SPAG16: variants seen among roughly 807,000 people sequenced by gnomAD.
SPAG16 encodes the protein sperm associated antigen 16.
A neutral mutation model predicts 80.4 loss-of-function variants in SPAG16; 86 were observed. The observed-to-expected ratio is 1.07, with a 90% CI of 0.90 to 1.28. SPAG16 has a LOEUF of 1.28. Among genes scored for constraint, SPAG16 ranks in the 50% most tolerant of loss-of-function variants. SPAG16 has a pLI of 0.00. For missense variants in SPAG16, 870 were observed against 765.3 expected (o/e 1.14, Z -1.61); for synonymous variants, 294 against 265.9 (o/e 1.11, Z -1.03).
At chr2:213,498,738 A>C (rs911817667) in intron 10 of SPAG16, among the ~76,000 whole-genome samples, 1 of 152,044 alleles carries the variant, frequency 6.6e-6, no homozygotes, top group East Asian at 1.9e-4. Context: ...CATTTTATTT[A>C]ATGTTATTAT....
At chr2:213,347,698 C>T (rs1398848929) in intron 6 of SPAG16, among the ~76,000 whole-genome samples, 3 of 152,058 alleles carry the variant, frequency 2.0e-5, no homozygotes, top group Non-Finnish European at 4.4e-5. Flanking sequence ...GAGCGGTTTT[C>T]AGTGAGTTTC....
chr2:214,066,458 T>G (rs143787485), intron 13 of SPAG16, among the ~76,000 whole-genome samples: 1 of 152,306 alleles, frequency 6.6e-6, no homozygotes, highest in African/African-American at 2.4e-5. Context: ...AATTAAGCAT[T>G]TCCATAAAAC....
chr2:213,379,322 G>C (rs1168243005), intron 9 of SPAG16, among the ~76,000 whole-genome samples: 1 of 152,122 alleles, frequency 6.6e-6, no homozygotes, highest in African/African-American at 2.4e-5. Flanking sequence ...GGAGAACTTT[G>C]CCTCAGCCTA....
intron 10 of SPAG16, among the ~76,000 whole-genome samples, chr2:213,608,779 G>A (rs1235993319): frequency 1.3e-5 from 2 of 152,196 alleles, no homozygotes; most frequent in Admixed American, 6.5e-5. Context: ...TCCGCCTCCT[G>A]CGTTCACGCC....
chr2:214,304,250 G>T (rs1694762720), intron 15 of SPAG16, among the ~76,000 whole-genome samples: 1 of 152,198 alleles, frequency 6.6e-6, no homozygotes, highest in Non-Finnish European at 1.5e-5. Context: ...GGCCCCAAAA[G>T]TGGCCATAAA....
chr2:214,317,761 A>T (rs112619922), intron 15 of SPAG16, among the ~76,000 whole-genome samples: 1 of 152,182 alleles, frequency 6.6e-6, no homozygotes, highest in African/African-American at 2.4e-5. Flanking sequence ...AAAGTGGCTA[A>T]TGCCTGCCTG....
At chr2:214,196,651 A>C (rs188807704) in intron 15 of SPAG16, among the ~76,000 whole-genome samples, 1 of 152,234 alleles carries the variant, frequency 6.6e-6, no homozygotes, top group East Asian at 1.9e-4. Context: ...AAAGAGTGAA[A>C]CCAGTCTATA....
chr2:214,261,654 A>G (rs1184580897), intron 15 of SPAG16, among the ~76,000 whole-genome samples: 2 of 152,214 alleles, frequency 1.3e-5, no homozygotes, highest in African/African-American at 2.4e-5. Context: ...AAAAGTAACA[A>G]TATGTATTTT....
chr2:214,255,473 T>C (rs1457997651), intron 15 of SPAG16, among the ~76,000 whole-genome samples: 1 of 152,086 alleles, frequency 6.6e-6, no homozygotes, highest in African/African-American at 2.4e-5. Flanking sequence ...TACCCTTACA[T>C]CAATGCATCT....
At chr2:213,963,935 G>T (rs1434044339) in intron 12 of SPAG16, among the ~76,000 whole-genome samples, 1 of 151,914 alleles carries the variant, frequency 6.6e-6, no homozygotes, top group Non-Finnish European at 1.5e-5. Flanking sequence ...GTGTGTATTC[G>T]ACAGACAACA....
At chr2:213,563,495 CTCTT>C (rs1308834660) in intron 10 of SPAG16, among the ~76,000 whole-genome samples, 3 of 152,228 alleles carry the variant, frequency 2.0e-5, no homozygotes, top group Non-Finnish European at 4.4e-5. Flanking sequence ...AGTCAGAACT[CTCTT>C]TCTGGCTTGC....
chr2:214,334,264 G>T (rs1056749616), intron 15 of SPAG16, among the ~76,000 whole-genome samples: 2 of 152,176 alleles, frequency 1.3e-5, no homozygotes, highest in Non-Finnish European at 1.5e-5. Flanking sequence ...AGATCCTGAG[G>T]GGGGCACATA....
chr2:214,070,947 G>GGCT (rs2050761711), intron 13 of SPAG16, among the ~76,000 whole-genome samples: 1 of 151,898 alleles, frequency 6.6e-6, no homozygotes, highest in Non-Finnish European at 1.5e-5. Context: ...ATAAAAATAT[G>GGCT]GCTGAGTCAA....
chr2:214,369,140 G>T (rs1699661080), intron 15 of SPAG16, among the ~76,000 whole-genome samples: 1 of 151,982 alleles, frequency 6.6e-6, no homozygotes, highest in Non-Finnish European at 1.5e-5. Context: ...GGAGATTTTA[G>T]AATTTAATGA....
At chr2:213,896,681 A>G (rs957637077) in intron 11 of SPAG16, among the ~76,000 whole-genome samples, 1 of 151,820 alleles carries the variant, frequency 6.6e-6, no homozygotes, top group African/African-American at 2.4e-5. Flanking sequence ...CACCATATAT[A>G]CATATATATG....
chr2:213,348,358 G>T (rs1012428290), intron 6 of SPAG16, among the ~76,000 whole-genome samples: 1 of 152,078 alleles, frequency 6.6e-6, no homozygotes. Context: ...CTTTTAACGG[G>T]AGCATTTAGC....
chr2:214,116,487 C>T (rs1384295679), intron 14 of SPAG16, among the ~76,000 whole-genome samples: 1 of 152,202 alleles, frequency 6.6e-6, no homozygotes, highest in African/African-American at 2.4e-5. Flanking sequence ...CTGGGAATTG[C>T]ACACTCACGT....
intron 11 of SPAG16, among the ~76,000 whole-genome samples, chr2:213,906,495 T>A (rs2077441103): frequency 1.3e-5 from 2 of 152,020 alleles, no homozygotes; most frequent in African/African-American, 2.4e-5. Context: ...ATTACATTAT[T>A]CACAGAAATA....
At chr2:214,155,230 A>G (rs954353322) in intron 15 of SPAG16, among the ~76,000 whole-genome samples, 3 of 152,156 alleles carry the variant, frequency 2.0e-5, no homozygotes, top group African/African-American at 4.8e-5. Flanking sequence ...AAAAAAATCT[A>G]TCTTAAGCAT....
Sources: allele counts gnomAD v4.1 joint callset (sites outside exome capture counted in the v4.1 genomes callset), GRCh38; gene constraint gnomAD v4.1.1; transcripts MANE v1.5; gene names NCBI Gene and HGNC (gene_info 2026-07-23, HGNC 2026-07-21).